FIGN: variants seen among roughly 807,000 people sequenced by gnomAD.
FIGN encodes fidgetin.
A neutral mutation model predicts 51.3 loss-of-function variants in FIGN; 11 were observed. The ratio of observed to expected loss-of-function variants is 0.21; its 90% CI spans 0.13 to 0.35. FIGN has a LOEUF of 0.35. Ranked by LOEUF, FIGN falls within the 10% of genes least tolerant of loss-of-function variation. The pLI is 1.00. For missense variants in FIGN, 857 were observed against 943.6 expected (o/e 0.91, Z 1.20); for synonymous variants, 407 against 363.2 (o/e 1.12, Z -1.37).
intron 2 of FIGN, among the ~76,000 whole-genome samples, chr2:163,630,661 T>C (rs1363803620): frequency 7.2e-6 from 1 of 139,384 alleles, no homozygotes; most frequent in Non-Finnish European, 1.5e-5. Context: ...TTAGCAAGGA[T>C]TTGTACAAAA....
chr2:163,723,710 T>G (rs899634336), intron 2 of FIGN, among the ~76,000 whole-genome samples: 11 of 152,208 alleles, frequency 7.2e-5, no homozygotes, highest in African/African-American at 2.7e-4. Context: ...ATTTTAAGGA[T>G]TTGAGGTTTC....
intron 2 of FIGN, among the ~76,000 whole-genome samples, chr2:163,715,452 G>T (rs937642322): frequency 1.3e-5 from 2 of 152,118 alleles, no homozygotes; most frequent in Admixed American, 6.5e-5. Flanking sequence ...AGTGACTGTC[G>T]CAAGATTCAG....
intron 2 of FIGN, among the ~76,000 whole-genome samples, chr2:163,724,068 A>T (rs2105364854): frequency 6.6e-6 from 1 of 152,308 alleles, no homozygotes; most frequent in South Asian, 2.1e-4. Flanking sequence ...AACTGCAAGA[A>T]ATCTTAGTCA....
intron 2 of FIGN, among the ~76,000 whole-genome samples, chr2:163,680,137 G>A (rs1222466908): frequency 6.6e-6 from 1 of 152,184 alleles, no homozygotes; most frequent in Non-Finnish European, 1.5e-5. Context: ...CTAAAATGGT[G>A]TGATCTTTTA....
chr2:163,657,125 A>G (rs1351382412), intron 2 of FIGN, among the ~76,000 whole-genome samples: 1 of 152,066 alleles, frequency 6.6e-6, no homozygotes, highest in African/African-American at 2.4e-5. Flanking sequence ...GAAAAAAAAA[A>G]AAAAACAGAA....
intron 2 of FIGN, among the ~76,000 whole-genome samples, chr2:163,620,851 TTGTGTGTGTG>T (rs71015594): frequency 8.8e-5 from 13 of 147,598 alleles, no homozygotes; most frequent in Non-Finnish European, 1.3e-4. Context: ...GTGTAAATAT[TTGTGTGTGTG>T]TGTGTGTGTG....
intron 2 of FIGN, among the ~76,000 whole-genome samples, chr2:163,644,959 G>A (rs766578469): frequency 4.6e-5 from 7 of 152,040 alleles, no homozygotes; most frequent in Non-Finnish European, 5.9e-5. Flanking sequence ...AGAGCTAAAG[G>A]GTACAGTGTT....
At chr2:163,690,191 C>T (rs759359999) in intron 2 of FIGN, among the ~76,000 whole-genome samples, 2 of 152,086 alleles carry the variant, frequency 1.3e-5, no homozygotes, top group Non-Finnish European at 2.9e-5. Flanking sequence ...CTTAAACACT[C>T]GAGCTAACTG....
At chr2:163,711,476 A>G (rs908149875) in intron 2 of FIGN, among the ~76,000 whole-genome samples, 1 of 152,172 alleles carries the variant, frequency 6.6e-6, no homozygotes, top group Non-Finnish European at 1.5e-5. Flanking sequence ...GTGCCACAAT[A>G]ACAGGCTAAC....
chr2:163,610,060 A>T lies in FIGN; in HGVS notation c.1772T>A (p.Leu591His). ...VIFVSDIDML[L>H]SSQVNEEHSP... Reference sequence around the variant, plus strand: ...ATGTTCCTCATTCACTTGAGAGGAGAGAAGCATGTCAATGTCACTAACAAA... The same window carrying T: ...ATGTTCCTCATTCACTTGAGAGGAGTGAAGCATGTCAATGTCACTAACAAA... The change falls in exon 3 of 3, where the codon CTC becomes CAC. Residue 591 changes from leucine (L) to histidine (H), a missense_variant. Coordinates refer to ENST00000333129, the MANE Select transcript of FIGN (RefSeq NM_018086.4). 6.2e-7 allele frequency: 1 copy of T among 1,614,002 alleles called. No homozygotes were observed. Among genetic ancestry groups the T allele is most frequent in the South Asian group, 1.1e-5 (1 of 91,072 alleles).
intron 2 of FIGN, among the ~76,000 whole-genome samples, chr2:163,646,250 CT>C (rs531973419): frequency 1.3e-4 from 19 of 150,904 alleles, no homozygotes; most frequent in Admixed American, 4.0e-4. Context: ...TATTGCATCC[CT>C]TTTTTTTTGT....
intron 2 of FIGN, among the ~76,000 whole-genome samples, chr2:163,653,083 T>G (rs1683503817): frequency 6.6e-6 from 1 of 152,164 alleles, no homozygotes; most frequent in African/African-American, 2.4e-5. Flanking sequence ...CCTCTGGTAT[T>G]ATAATTCACC....
chr2:163,661,827 T>C (rs1395518498), intron 2 of FIGN, among the ~76,000 whole-genome samples: 1 of 152,188 alleles, frequency 6.6e-6, no homozygotes, highest in Non-Finnish European at 1.5e-5. Flanking sequence ...ATGTAAGAAG[T>C]GCCTTTCGCC....
In FIGN at chr2:163,607,174, A is replaced by C. The variant is rs1691128117; in HGVS notation, c.*2378T>G. On this transcript the variant is annotated 3_prime_UTR_variant, in exon 3 of 3. Coordinates refer to ENST00000333129, the MANE Select transcript of FIGN (RefSeq NM_018086.4). ...TCTAAAAGTCAGAAAATAGGTCAGC[A>C]CTGTGCAAAAGTAAACTTGTCAGTG... 1 of 152,218 alleles carries C rather than the reference A, an allele frequency of 6.6e-6. No individual in the cohort carries two copies. The highest frequency in any genetic ancestry group is 1.5e-5 in the Non-Finnish European group (1 of 68,040). The allele number at this position is 152,218 out of a possible 1,614,324, so 9.4% of individuals were successfully genotyped here.
chr2:163,718,367 C>T (rs1684702444), intron 2 of FIGN, among the ~76,000 whole-genome samples: 1 of 152,162 alleles, frequency 6.6e-6, no homozygotes, highest in Non-Finnish European at 1.5e-5. Flanking sequence ...TTAAAGATGA[C>T]AACCTCATGT....
chr2:163,715,524 G>A (rs536653675), intron 2 of FIGN, among the ~76,000 whole-genome samples: 1 of 152,168 alleles, frequency 6.6e-6, no homozygotes, highest in Admixed American at 6.5e-5. Context: ...CACTCCAGCC[G>A]CTCTGAGTGG....
chr2:163,733,166 G>A (rs901228782), intron 2 of FIGN, among the ~76,000 whole-genome samples: 2 of 152,080 alleles, frequency 1.3e-5, no homozygotes, highest in South Asian at 2.1e-4. Context: ...AACATCATTT[G>A]CACATCGGAC....
chr2:163,735,078 T>C lies in FIGN; in HGVS notation c.-145-6A>G, dbSNP rs1209422573. On this transcript the variant is annotated splice_region_variant and splice_polypyrimidine_tract_variant and intron_variant, in intron 1 of 2. Transcript: ENST00000333129. The stretch of plus-strand genomic sequence containing the variant: ...TCGTCAGGTATTCATTTAACCTACA[T>C]GCATATAATTAAGGGGGAAAGCAAC... The C allele has an allele frequency of 1.7e-6, 1 of 590,264 alleles. No homozygotes were observed. The highest frequency in any genetic ancestry group is 2.9e-6 in the Non-Finnish European group (1 of 346,538). 36.6% of individuals were successfully genotyped at this position (590,264 alleles called of 1,614,324 possible). A position where few individuals can be genotyped will look rare whatever the true frequency, so the allele number is the denominator to read the frequency against.
At chr2:163,703,727 C>A (rs1684445879) in intron 2 of FIGN, among the ~76,000 whole-genome samples, 1 of 152,118 alleles carries the variant, frequency 6.6e-6, no homozygotes, top group Admixed American at 6.6e-5. Context: ...TGGCTCTACT[C>A]ATATATGGGC....
Sources: gnomAD v4.1 joint callset for allele counts (sites outside exome capture counted in the v4.1 genomes callset) on GRCh38, gnomAD v4.1.1 for gene constraint, MANE v1.5 for transcripts, NCBI Gene and HGNC (gene_info 2026-07-23, HGNC 2026-07-21) for gene names.